RPTOR: variants seen among roughly 807,000 people sequenced by gnomAD.
RPTOR encodes the protein regulatory-associated protein of mTOR.
Under a neutral mutation model 169.9 loss-of-function variants are expected in RPTOR, and 21 were observed. The observed-to-expected ratio is 0.12, with a 90% CI of 0.09 to 0.18. The LOEUF is 0.18. RPTOR is among the 10% of genes least tolerant of loss of function. The pLI is 1.00. For synonymous variants in RPTOR, 732 were observed against 753.2 expected, an observed-to-expected ratio of 0.97 and a Z score of 0.46; for missense variants, 1,133 against 1,855.9, an observed-to-expected ratio of 0.61 and a Z score of 7.16.
intron 2 of RPTOR, among the ~76,000 whole-genome samples, chr17:80,640,865 C>T (rs770201517): frequency 2.0e-5 from 3 of 152,206 alleles, no homozygotes; most frequent in Non-Finnish European, 4.4e-5. Context: ...CGCTGACCGT[C>T]GTGATGCATG....
chr17:80,615,145 C>T (rs2065299823), intron 1 of RPTOR, among the ~76,000 whole-genome samples: 1 of 152,144 alleles, frequency 6.6e-6, no homozygotes, highest in African/African-American at 2.4e-5. Context: ...CAAGGATCTC[C>T]AGAAGACCCG....
At chr17:80,607,335 CCA>C (rs1465138729) in intron 1 of RPTOR, among the ~76,000 whole-genome samples, 6 of 152,178 alleles carry the variant, frequency 3.9e-5, no homozygotes, top group Non-Finnish European at 8.8e-5. Flanking sequence ...GGATCTAAAA[CCA>C]CAGTTTTGGT....
chr17:80,737,202 A>G (rs2066440645), intron 5 of RPTOR, among the ~76,000 whole-genome samples: 1 of 152,176 alleles, frequency 6.6e-6, no homozygotes, highest in South Asian at 2.1e-4. Flanking sequence ...ATATTTAAGA[A>G]TGAAGAGAAG....
rs77600997 is a variant in RPTOR at position 80,674,803 on chromosome 17, A to C, written c.348+30993A>C. 1.7e-4 allele frequency among the ~76,000 whole-genome samples: 18 copies of C among 107,956 alleles called. 1 individual carries two copies. Among genetic ancestry groups the C allele is most frequent in the Non-Finnish European group, 2.8e-4 (15 of 53,956 alleles). The allele number at this position is 107,956 out of a possible 152,430, so 70.8% of individuals were successfully genotyped here. On this transcript the variant is annotated intron_variant, in intron 3 of 33. Coordinates refer to ENST00000306801, the MANE Select transcript of RPTOR (RefSeq NM_020761.3). ...ACTCTGTCTCAAAAAAAAAAAAAAA[A>C]AAAAAAAAAAAAAAAAAAAAAACAA...
Position 80,561,263 on chromosome 17 carries a change from G to GTATATATATATA in RPTOR, c.162+15486_162+15497dup, listed in dbSNP as rs1555713889. On this transcript the variant is annotated intron_variant, in intron 1 of 33. Transcript: ENST00000306801. ...TTTATATATATATGTATATATATAT[G>GTATATATATATA]TATATATATATATATATATATATAT... Among the ~76,000 whole-genome samples, 18 of 19,610 alleles carry GTATATATATATA rather than the reference G, an allele frequency of 9.2e-4. 1 individual carries two copies. The highest frequency in any genetic ancestry group is 1.6e-3 in the African/African-American group (18 of 10,938). The allele number at this position is 19,610 out of a possible 152,430, so 12.9% of individuals were successfully genotyped here.
In RPTOR at chr17:80,963,022, G is replaced by A. The variant is rs1480686908; in HGVS notation, c.3904G>A (p.Gly1302Ser). The A allele has an allele frequency of 6.2e-7, 1 of 1,609,368 alleles. No individual in the cohort carries two copies. Among genetic ancestry groups the A allele is most frequent in the Non-Finnish European group, 8.5e-7 (1 of 1,178,116 alleles). Residue 1302 changes from glycine to serine, a missense_variant, in exon 33 of 34, where the codon GGC (glycine) becomes AGC (serine). Coordinates refer to ENST00000306801, the MANE Select transcript of RPTOR (RefSeq NM_020761.3). ...CGACGGCTTCATGGGCCAGCGGGTC[G>A]GCGCCATCAGCTGCCTGGCCTTCCA... ...YYDGFMGQRV[G>S]AISCLAFHPH... is the part of the protein sequence containing the mutation.
At chr17:80,914,799 G>A (rs1164003671) in intron 21 of RPTOR, among the ~76,000 whole-genome samples, 1 of 152,246 alleles carries the variant, frequency 6.6e-6, no homozygotes, top group Non-Finnish European at 1.5e-5. Context: ...CAGCCTGGGT[G>A]TTATGGATGA....
Position 80,746,571 on chromosome 17 carries a change from G to A in RPTOR, c.655-7439G>A, listed in dbSNP as rs2066577666. Among the ~76,000 whole-genome samples, 2 of 152,210 alleles carry A rather than the reference G, an allele frequency of 1.3e-5. No individual in the cohort carries two copies. Among genetic ancestry groups the A allele is most frequent in the African/African-American group, 4.8e-5 (2 of 41,456 alleles). Reference sequence around the variant, plus strand: ...CTCTGGAGAGCATTGGAAGATGAGAGTCTTTCTTGTGTTTGAGTCCCTAGG... The same window carrying A: ...CTCTGGAGAGCATTGGAAGATGAGAATCTTTCTTGTGTTTGAGTCCCTAGG... On this transcript the variant is annotated intron_variant, in intron 5 of 33. Transcript: ENST00000306801. This position sits in a 1 kb window ranked among gnomAD's most constrained non-coding sequence, Gnocchi z 4.5.
chr17:80,945,436 C>T (rs2069089802), intron 25 of RPTOR: 1 of 339,288 alleles, frequency 2.9e-6, no homozygotes, highest in Non-Finnish European at 5.4e-6. Context: ...ACTAAAAATA[C>T]AAAAAATTAG....
intron 9 of RPTOR, among the ~76,000 whole-genome samples, chr17:80,829,651 C>T (rs1441566951): frequency 2.0e-5 from 3 of 152,152 alleles, no homozygotes; most frequent in Non-Finnish European, 4.4e-5. Flanking sequence ...GTAGACATGG[C>T]AGTGCCGCGT....
chr17:80,566,699 C>T (rs1003842306), intron 1 of RPTOR, among the ~76,000 whole-genome samples: 2 of 151,652 alleles, frequency 1.3e-5, no homozygotes, highest in African/African-American at 4.8e-5. Flanking sequence ...TGGCAGGCAC[C>T]TGTAGTCCCA....
intron 7 of RPTOR, among the ~76,000 whole-genome samples, chr17:80,819,672 G>A (rs534965298): frequency 1.1e-4 from 16 of 152,336 alleles, no homozygotes; most frequent in Non-Finnish European, 1.6e-4. Context: ...TAGTGCCAGC[G>A]CACGCTCGTA....
intron 3 of RPTOR, among the ~76,000 whole-genome samples, chr17:80,686,368 G>C (rs1358868966): frequency 7.6e-6 from 1 of 132,214 alleles, no homozygotes; most frequent in Non-Finnish European, 1.6e-5. Context: ...TTTATTTTTA[G>C]TAGAGACGGG....
chr17:80,749,074 G>A lies in RPTOR; in HGVS notation c.655-4936G>A, dbSNP rs555335844. 6.3e-4 allele frequency among the ~76,000 whole-genome samples: 32 copies of A among 50,972 alleles called. 1 individual carries two copies. The highest frequency in any genetic ancestry group is 5.6e-3 in the Admixed American group (29 of 5,192). The allele number at this position is 50,972 out of a possible 152,430, so 33.4% of individuals were successfully genotyped here. On this transcript the variant is annotated intron_variant, in intron 5 of 33. Transcript: ENST00000306801. ...GGACTGCGGTGTGTGTTTAGAGGCCGTGGCAAGAGGACCTGTTGGGTGGAT... is the reference window on the plus strand; with the variant it reads ...GGACTGCGGTGTGTGTTTAGAGGCCATGGCAAGAGGACCTGTTGGGTGGAT...
chr17:80,695,368 A>G lies in RPTOR; in HGVS notation c.349-12473A>G, dbSNP rs1215878967. On this transcript the variant is annotated intron_variant, in intron 3 of 33. Coordinates refer to ENST00000306801, the MANE Select transcript of RPTOR (RefSeq NM_020761.3). The surrounding 1 kb of genome is among the most constrained non-coding windows in gnomAD (Gnocchi z 4.9). Reference sequence around the variant, plus strand: ...GTTTGGTTTTGTTCATGACGTTGCCAGGTCGAATGGCTGGTGAATCATTGA... The same window carrying G: ...GTTTGGTTTTGTTCATGACGTTGCCGGGTCGAATGGCTGGTGAATCATTGA... Among the ~76,000 whole-genome samples, 1 of 152,198 alleles carries G rather than the reference A, an allele frequency of 6.6e-6. No individual in the cohort carries two copies. Among genetic ancestry groups the G allele is most frequent in the Non-Finnish European group, 1.5e-5 (1 of 68,030 alleles).
At position 80,743,416 on chromosome 17, in the gene RPTOR, G is replaced by C. The variant is rs926103391; in HGVS notation, c.655-10594G>C. On this transcript the variant is annotated intron_variant, in intron 5 of 33. Transcript: ENST00000306801. Reference sequence around the variant, plus strand: ...AGCCGTAGAACGTAAGAAGTTGCCAGCATAAAGACAGGTAGGAAAGGCATG... The same window carrying C: ...AGCCGTAGAACGTAAGAAGTTGCCACCATAAAGACAGGTAGGAAAGGCATG... 17 of 985,422 alleles carry C rather than the reference G, an allele frequency of 1.7e-5. No individual in the cohort carries two copies. In the African/African-American group the frequency reaches 3.0e-4, roughly 17 times the overall value. 61.0% of individuals were successfully genotyped at this position (985,422 alleles called of 1,614,324 possible). A position where few individuals can be genotyped will look rare whatever the true frequency, so the allele number is the denominator to read the frequency against.
At chr17:80,617,999 A>T (rs369421145) in intron 1 of RPTOR, among the ~76,000 whole-genome samples, 5 of 146,394 alleles carry the variant, frequency 3.4e-5, no homozygotes, top group African/African-American at 1.4e-4. Flanking sequence ...TTTTTTTTTT[A>T]AGACGGGGTC....
intron 5 of RPTOR, chr17:80,743,561 C>G (rs1028624823): frequency 7.7e-6 from 4 of 520,470 alleles, no homozygotes; most frequent in Non-Finnish European, 9.9e-6. Context: ...AAGGTGCCTG[C>G]GTGGGCTAGA....
chr17:80,896,901 T>C (rs971179483), intron 20 of RPTOR, among the ~76,000 whole-genome samples: 2 of 152,252 alleles, frequency 1.3e-5, no homozygotes, highest in African/African-American at 4.8e-5. Flanking sequence ...AGGCATGACG[T>C]TACCTTTCAG....
Sources: gnomAD v4.1 joint callset for allele counts (sites outside exome capture counted in the v4.1 genomes callset) on GRCh38, gnomAD v4.1.1 for gene constraint, Gnocchi (gnomAD v3.1) non-coding constraint, MANE v1.5 for transcripts, NCBI Gene and HGNC (gene_info 2026-07-23, HGNC 2026-07-21) for gene names.